LMBR1: variants seen among roughly 807,000 people sequenced by gnomAD.
The protein encoded by LMBR1 is limb development membrane protein 1.
A neutral mutation model predicts 73.9 loss-of-function variants in LMBR1; 52 were observed. The ratio of observed to expected loss-of-function variants is 0.70; its 90% confidence interval spans 0.56 to 0.89. The LOEUF (loss-of-function observed/expected upper bound fraction) is 0.89. Ranked by LOEUF, LMBR1 falls within the 40% of genes least tolerant of loss-of-function variation. LMBR1 has a pLI of 0.00. For synonymous variants in LMBR1, 215 were observed against 209.4 expected (o/e 1.03, Z -0.23); for missense variants, 539 against 579.8 (o/e 0.93, Z 0.72).
intron 1 of LMBR1, chr7:156,892,622 C>A (rs977178035): frequency 7.3e-6 from 2 of 274,498 alleles, no homozygotes; most frequent in South Asian, 9.3e-5. Context: ...AAGGGCAGCA[C>A]CGAGGCCGCG....
At chr7:156,777,118 G>A (rs1159131462) in intron 5 of LMBR1, among the ~76,000 whole-genome samples, 1 of 152,128 alleles carries the variant, frequency 6.6e-6, no homozygotes, top group Non-Finnish European at 1.5e-5. Flanking sequence ...TGTATTTTTA[G>A]TAGAGATGGG....
chr7:156,892,762 A>G (rs1586526742), intron 1 of LMBR1, among the ~76,000 whole-genome samples, 166 bp downstream of exon 1: 1 of 61,142 alleles, frequency 1.6e-5, no homozygotes, highest in African/African-American at 6.3e-5. Context: ...AGGGAAGGGG[A>G]GGGGAGGGGA....
intron 9 of LMBR1, among the ~76,000 whole-genome samples, chr7:156,749,387 G>A (rs1418313635): frequency 6.6e-6 from 1 of 152,142 alleles, no homozygotes; most frequent in African/African-American, 2.4e-5. Flanking sequence ...GTCTAAAGAA[G>A]CAACTGCTCT....
intron 9 of LMBR1, among the ~76,000 whole-genome samples, chr7:156,744,327 T>C (rs1006207921): frequency 2.0e-5 from 3 of 151,674 alleles, no homozygotes; most frequent in Non-Finnish European, 4.4e-5. Flanking sequence ...TTTTTCTATG[T>C]GAAAGTTTGT....
intron 5 of LMBR1, among the ~76,000 whole-genome samples, chr7:156,778,556 T>C (rs1314951008): frequency 2.0e-5 from 3 of 152,200 alleles, no homozygotes; most frequent in Non-Finnish European, 4.4e-5. Context: ...AAATGCAAGG[T>C]GGCAAATTTT....
chr7:156,693,484 T>C (rs1432959941), intron 15 of LMBR1, among the ~76,000 whole-genome samples: 2 of 151,880 alleles, frequency 1.3e-5, no homozygotes, highest in Non-Finnish European at 2.9e-5. Context: ...ATGACACAAA[T>C]AAAAAGATCA....
At chr7:156,772,356 C>T (rs1425307090) in intron 5 of LMBR1, among the ~76,000 whole-genome samples, 1 of 152,124 alleles carries the variant, frequency 6.6e-6, no homozygotes, top group Non-Finnish European at 1.5e-5. Flanking sequence ...TAAAAACTCT[C>T]AACAAACTAG....
chr7:156,891,211 A>AAAT (rs1802875174), intron 1 of LMBR1, among the ~76,000 whole-genome samples: 5 of 81,500 alleles, frequency 6.1e-5, no homozygotes, highest in East Asian at 7.5e-4. Context: ...AAAAAAAAAA[A>AAAT]ATATATATAT....
intron 5 of LMBR1, chr7:156,779,879 A>C (rs189544781): frequency 3.8e-5 from 11 of 292,550 alleles, no homozygotes; most frequent in Middle Eastern, 8.6e-4. Flanking sequence ...ACATTAAAAT[A>C]AGGTTTGCTC....
rs750438732 is a variant in LMBR1, at chr7:156,684,018, G to A, written c.*60C>T. On this transcript the variant is annotated 3_prime_UTR_variant, in exon 17 of 17. Coordinates refer to ENST00000353442, the MANE Select transcript of LMBR1 (RefSeq NM_022458.4). ...ATGGAAATGCTTCTACATGGGACAG[G>A]AATGTCGTGAATCTGGAGTTCTCGG... is the stretch of plus-strand genomic sequence containing the variant. The A allele has an allele frequency of 5.2e-6, 7 of 1,337,152 alleles. No individual in the cohort carries two copies. The highest frequency in any genetic ancestry group is 1.2e-5 in the South Asian group (1 of 85,268). The allele number at this position is 1,337,152 out of a possible 1,614,324, so 82.8% of individuals were successfully genotyped here.
At chr7:156,777,640 C>T (rs1272993903) in intron 5 of LMBR1, among the ~76,000 whole-genome samples, 2 of 152,186 alleles carry the variant, frequency 1.3e-5, no homozygotes, top group African/African-American at 4.8e-5. Context: ...CTTGCCTCTT[C>T]CAATAGCCAA....
intron 1 of LMBR1, among the ~76,000 whole-genome samples, chr7:156,874,419 C>T (rs1271920652): frequency 6.6e-6 from 1 of 152,254 alleles, no homozygotes; most frequent in Non-Finnish European, 1.5e-5. Flanking sequence ...GGAGTGGGCT[C>T]CAGCCTCGGC....
At chr7:156,846,740 G>A (rs1425450530) in intron 1 of LMBR1, among the ~76,000 whole-genome samples, 3 of 152,016 alleles carry the variant, frequency 2.0e-5, no homozygotes, top group Non-Finnish European at 4.4e-5. Context: ...ACACAATATT[G>A]AAGGAAAAAA....
At chr7:156,806,815 T>C (rs180697761) in intron 4 of LMBR1, among the ~76,000 whole-genome samples, 28 of 152,038 alleles carry the variant, frequency 1.8e-4, no homozygotes, top group Non-Finnish European at 3.5e-4. Flanking sequence ...TTTCACCACA[T>C]TGGTCAGACT....
At chr7:156,824,127 A>AAT (rs898985878) in intron 4 of LMBR1, among the ~76,000 whole-genome samples, 7 of 147,788 alleles carry the variant, frequency 4.7e-5, no homozygotes, top group African/African-American at 1.2e-4. Flanking sequence ...CAACAACAAC[A>AAT]ATATATATAT....
chr7:156,843,663 T>C (rs1313084944), intron 1 of LMBR1, among the ~76,000 whole-genome samples: 2 of 151,712 alleles, frequency 1.3e-5, no homozygotes, highest in South Asian at 4.2e-4. Context: ...CTGGCCAACA[T>C]GACGAAACCC....
chr7:156,874,521 G>A (rs1799869538), intron 1 of LMBR1, among the ~76,000 whole-genome samples: 2 of 152,372 alleles, frequency 1.3e-5, no homozygotes, highest in East Asian at 1.9e-4. Flanking sequence ...GAGGCGCCAA[G>A]AGCAAGCGAG....
intron 15 of LMBR1, among the ~76,000 whole-genome samples, chr7:156,723,847 G>T (rs1166963491): frequency 4.6e-5 from 7 of 152,054 alleles, no homozygotes; most frequent in African/African-American, 1.7e-4. Flanking sequence ...AGATGTGTCA[G>T]TAAAAACAAA....
At chr7:156,852,410 ATTC>A (rs1796357075) in intron 1 of LMBR1, among the ~76,000 whole-genome samples, 2 of 152,286 alleles carry the variant, frequency 1.3e-5, no homozygotes, top group South Asian at 4.1e-4. Flanking sequence ...TAGGAGCCTT[ATTC>A]TTCTTAAGGT....
Sources: gnomAD v4.1 joint callset for allele counts (sites outside exome capture counted in the v4.1 genomes callset) on GRCh38, gnomAD v4.1.1 for gene constraint, MANE v1.5 for transcripts, NCBI Gene and HGNC (gene_info 2026-07-23, HGNC 2026-07-21) for gene names.